The following PCLO variants were observed in gnomAD, a reference collection of about 807,000 sequenced individuals.
PCLO encodes the protein piccolo presynaptic cytomatrix protein.
Under a neutral mutation model 427.5 loss-of-function variants are expected in PCLO, and 82 were observed. The observed-to-expected ratio is 0.19, with a 90% CI of 0.16 to 0.23. The LOEUF (loss-of-function observed/expected upper bound fraction) is 0.23. Among genes scored for constraint, PCLO ranks in the 10% least tolerant of loss-of-function variants. The probability of loss-of-function intolerance (pLI) is 1.00; values close to 1 mark genes in which losing one functional copy is unlikely to be tolerated. For missense variants in PCLO, 6,239 were observed against 6,115.9 expected (o/e 1.02, Z -0.67); for synonymous variants, 2,357 against 2,155.4 (o/e 1.09, Z -2.59).
intron 3 of PCLO, among the ~76,000 whole-genome samples, chr7:82,977,693 C>T (rs143036174): frequency 1.3e-4 from 20 of 152,166 alleles, no homozygotes; most frequent in Admixed American, 3.9e-4. Context: ...GGATTACAGG[C>T]GTGAGCCACT....
At chr7:82,910,621 G>C (rs1794299485) in intron 7 of PCLO, among the ~76,000 whole-genome samples, 1 of 151,908 alleles carries the variant, frequency 6.6e-6, no homozygotes, top group Non-Finnish European at 1.5e-5. Flanking sequence ...AATAAATATT[G>C]GCATGAATGA....
chr7:83,132,527 T>C (rs1791599656), intron 3 of PCLO, among the ~76,000 whole-genome samples: 1 of 152,076 alleles, frequency 6.6e-6, no homozygotes, highest in Admixed American at 6.6e-5. Flanking sequence ...CCCTGAAAGG[T>C]GTATTGTCTT....
chr7:82,879,282 TGTA>T, intron 10 of PCLO, 52 bp downstream of exon 10: 1 of 1,409,326 alleles, frequency 7.1e-7, no homozygotes, highest in Non-Finnish European at 9.7e-7. Flanking sequence ...TAAATTAAAA[TGTA>T]TTTAATATGA....
chr7:82,978,673 A>G (rs1796077683), intron 3 of PCLO, among the ~76,000 whole-genome samples: 1 of 152,088 alleles, frequency 6.6e-6, no homozygotes, highest in African/African-American at 2.4e-5. Context: ...TAGTCAAATA[A>G]TGCAGTTAAG....
At chr7:83,068,411 A>G (rs1430655808) in intron 3 of PCLO, among the ~76,000 whole-genome samples, 1 of 152,164 alleles carries the variant, frequency 6.6e-6, no homozygotes, top group Non-Finnish European at 1.5e-5. Context: ...CAAAATAACA[A>G]AAACAAAACA....
chr7:83,077,279 G>A (rs193087633), intron 3 of PCLO, among the ~76,000 whole-genome samples: 13 of 152,138 alleles, frequency 8.5e-5, no homozygotes, highest in African/African-American at 2.9e-4. Flanking sequence ...TTTCCAGCTT[G>A]TGTGACAAAC....
intron 22 of PCLO, among the ~76,000 whole-genome samples, chr7:82,800,298 A>C (rs1168855388): frequency 2.0e-5 from 3 of 152,202 alleles, no homozygotes; most frequent in Non-Finnish European, 4.4e-5. Context: ...ATATCTAATA[A>C]AGACCAGAAT....
At chr7:82,804,173 G>C (rs1438742100) in intron 21 of PCLO, among the ~76,000 whole-genome samples, 1 of 152,074 alleles carries the variant, frequency 6.6e-6, no homozygotes, top group African/African-American at 2.4e-5. Flanking sequence ...TGTCAAATTG[G>C]ATCATCAGAA....
intron 12 of PCLO, 93 bp downstream of exon 12, chr7:82,846,474 G>C (rs900846784): frequency 1.3e-6 from 1 of 757,056 alleles, no homozygotes; most frequent in Non-Finnish European, 2.2e-6. Context: ...CTGTGTTTAT[G>C]TCTACATCTT....
intron 5 of PCLO, 95 bp from the exon 6 acceptor site, chr7:82,951,585 G>T: frequency 1.1e-6 from 1 of 910,496 alleles, no homozygotes; most frequent in Non-Finnish European, 1.7e-6. Flanking sequence ...TAATGAATGA[G>T]ACTGCATGCA....
chr7:82,877,468 T>C (rs1793400193), intron 10 of PCLO, among the ~76,000 whole-genome samples: 1 of 152,146 alleles, frequency 6.6e-6, no homozygotes, highest in South Asian at 2.1e-4. Context: ...TTAATTTATA[T>C]ATCCTTATTA....
At chr7:82,883,215 A>C (rs1367060346) in intron 9 of PCLO, among the ~76,000 whole-genome samples, 1 of 152,132 alleles carries the variant, frequency 6.6e-6, no homozygotes, top group Non-Finnish European at 1.5e-5. Context: ...AACAGATTAT[A>C]CAAATAATAA....
intron 3 of PCLO, among the ~76,000 whole-genome samples, chr7:83,082,584 A>T (rs945369230): frequency 6.6e-6 from 1 of 151,746 alleles, no homozygotes; most frequent in Admixed American, 6.6e-5. Context: ...GTAGTACAAT[A>T]GGGTGACTAC....
intron 3 of PCLO, among the ~76,000 whole-genome samples, chr7:83,003,203 A>G (rs980856677): frequency 1.7e-4 from 26 of 151,398 alleles, no homozygotes; most frequent in Non-Finnish European, 3.0e-4. Flanking sequence ...AAAATATACG[A>G]TAAGAAATCT....
chr7:83,036,020 T>G (rs1400965705), intron 3 of PCLO, among the ~76,000 whole-genome samples: 1 of 152,192 alleles, frequency 6.6e-6, no homozygotes, highest in African/African-American at 2.4e-5. Flanking sequence ...TATATCTTTA[T>G]GTTTCCAAGC....
chr7:82,950,929 A>C lies in PCLO; in HGVS notation c.9659T>G (p.Leu3220Arg), dbSNP rs764003948. ...QQQQLDLERE[L>R]LELEKIKQQR... ...TTGCTTAATTTTCTCCAGTTCCAGG[A>C]GCTCACGCTCCAAGTCTAGCTGCTG... The change falls in exon 6 of 25, where the codon CTC becomes CGC. Residue 3220 changes from leucine to arginine, a missense_variant. By Grantham distance (102) the Leu-to-Arg change is moderately radical (BLOSUM62 -2). Transcript: ENST00000333891. 1.9e-6 allele frequency: 3 copies of C among 1,613,264 alleles called. No homozygotes were observed. In the African/African-American group the frequency reaches 4.0e-5, roughly 22 times the overall value.
chr7:82,874,430 G>A (rs1009872451), intron 10 of PCLO, among the ~76,000 whole-genome samples: 10 of 152,018 alleles, frequency 6.6e-5, no homozygotes, highest in African/African-American at 1.9e-4. Flanking sequence ...GCCTGAATCT[G>A]GTCTGTATCG....
chr7:82,932,333 C>A (rs911503669), intron 6 of PCLO, among the ~76,000 whole-genome samples: 28 of 151,956 alleles, frequency 1.8e-4, no homozygotes, highest in Admixed American at 1.8e-3. Context: ...ACAGTAATAG[C>A]AAAAGGTTTG....
chr7:82,841,681 A>G (rs1584035523), intron 13 of PCLO, among the ~76,000 whole-genome samples, 172 bp from the exon 14 acceptor site: 2 of 152,110 alleles, frequency 1.3e-5, no homozygotes, highest in East Asian at 3.8e-4. Context: ...TTCTCAATAC[A>G]CATTTAATTT....
Sources: allele counts gnomAD v4.1 joint callset (sites outside exome capture counted in the v4.1 genomes callset), GRCh38; gene constraint gnomAD v4.1.1; transcripts MANE v1.5; gene names NCBI Gene and HGNC (gene_info 2026-07-23, HGNC 2026-07-21).